MRS2: variants seen among roughly 807,000 people sequenced by gnomAD.
The protein encoded by MRS2 is magnesium transporter MRS2.
Under a neutral mutation model 52.6 loss-of-function variants are expected in MRS2, and 40 were observed. The observed-to-expected ratio is 0.76, with a 90% CI of 0.59 to 0.99. MRS2 has a LOEUF of 0.99. MRS2 is among the 50% of genes least tolerant of loss of function. MRS2 has a pLI of 0.00. For missense variants in MRS2, 472 were observed against 532.7 expected, an observed-to-expected ratio of 0.89 and a Z score of 1.12; for synonymous variants, 193 against 195.9, an observed-to-expected ratio of 0.98 and a Z score of 0.13.
In MRS2 at chr6:24,409,509, AT is replaced by A. The variant is rs746648730; in HGVS notation, c.353del (p.Leu118Ter). ...LYQELGLQAR[D>X]LRFQHVMSIT... is the part of the protein sequence containing the mutation. ...CAAGAGTTAGGTCTTCAAGCCAGAG[AT>A]TTGAGATTTCAGCATGTAATGAGTA... On this transcript the variant is annotated frameshift_variant, in exon 4 of 11. Transcript: ENST00000378386. LOFTEE classifies it high-confidence loss of function. The A allele has an allele frequency of 8.1e-6, 13 of 1,612,168 alleles. No individual in the cohort carries two copies. The highest frequency in any genetic ancestry group is 1.0e-5 in the Non-Finnish European group (12 of 1,178,886).
chr6:24,405,542 T>C (rs112501797), intron 2 of MRS2, among the ~76,000 whole-genome samples: 424 of 152,084 alleles, frequency 2.8e-3, no homozygotes, highest in African/African-American at 9.3e-3. Context: ...AGAAGCATTT[T>C]GAAGGCAGCA....
rs1407737489 is a variant in MRS2, at chr6:24,423,881, G to A, written c.*187G>A. The A allele has an allele frequency of 2.9e-6, 1 of 346,656 alleles. No homozygotes were observed. The highest frequency in any genetic ancestry group is 5.3e-6 in the Non-Finnish European group (1 of 190,412). 21.5% of individuals were successfully genotyped at this position (346,656 alleles called of 1,614,324 possible). On this transcript the variant is annotated 3_prime_UTR_variant, in exon 11 of 11. Transcript: ENST00000378386. Reference sequence around the variant, plus strand: ...CAGAATTCTGAGTTAAAGAAACAAAGTATTTGCTTTGTAAAAGGCCAAAAT... The same window carrying A: ...CAGAATTCTGAGTTAAAGAAACAAAATATTTGCTTTGTAAAAGGCCAAAAT...
intron 7 of MRS2, among the ~76,000 whole-genome samples, chr6:24,417,218 C>G (rs984750437): frequency 3.9e-5 from 6 of 152,196 alleles, no homozygotes; most frequent in Non-Finnish European, 5.9e-5. Context: ...GTTTGCTTTG[C>G]TTAGGCCAAT....
intron 5 of MRS2, 144 bp from the exon 6 acceptor site, chr6:24,414,889 G>T: frequency 1.6e-6 from 1 of 617,278 alleles, no homozygotes. Flanking sequence ...ATCTGGAATA[G>T]GCATTCTAGA....
intron 7 of MRS2, 79 bp from the exon 8 acceptor site, chr6:24,418,005 C>A (rs1030325081): frequency 2.9e-5 from 34 of 1,187,580 alleles, no homozygotes; most frequent in Non-Finnish European, 3.4e-5. Flanking sequence ...ATGCTATATA[C>A]TAATTTAGGA....
chr6:24,409,533 G>T lies in MRS2; in HGVS notation c.374G>T (p.Ser125Ile). ...GATTTGAGATTTCAGCATGTAATGA[G>T]TATCACAGTCAGAAACAATAGGATT... ...ARDLRFQHVM[S>I]ITVRNNRIIM... The change falls in exon 4 of 11, where the codon AGT becomes ATT. Residue 125 changes from serine (S) to isoleucine (I), a missense_variant. By Grantham distance (142) the Ser-to-Ile change is moderately radical. Coordinates refer to ENST00000378386, the MANE Select transcript of MRS2 (RefSeq NM_020662.4). 6.2e-7 allele frequency: 1 copy of T among 1,609,142 alleles called. No individual in the cohort carries two copies. Among genetic ancestry groups the T allele is most frequent in the Admixed American group, 1.7e-5 (1 of 59,646 alleles).
intron 5 of MRS2, among the ~76,000 whole-genome samples, chr6:24,414,784 ACT>A (rs1312041381): frequency 1.3e-5 from 2 of 152,082 alleles, no homozygotes; most frequent in East Asian, 1.9e-4. Context: ...GAGGAGAAAG[ACT>A]CTTACGAGAG....
In MRS2 at chr6:24,423,867, G is replaced by A. The variant is rs1762139720; in HGVS notation, c.*173G>A. The stretch of plus-strand genomic sequence containing the variant: ...CTGGATTGCATTTCCAGAATTCTGA[G>A]TTAAAGAAACAAAGTATTTGCTTTG... On this transcript the variant is annotated 3_prime_UTR_variant, in exon 11 of 11. Transcript: ENST00000378386. 8.0e-6 allele frequency: 3 copies of A among 376,636 alleles called. No individual in the cohort carries two copies. The highest frequency in any genetic ancestry group is 1.4e-5 in the Non-Finnish European group (3 of 207,924). The allele number at this position is 376,636 out of a possible 1,614,324, so 23.3% of individuals were successfully genotyped here.
rs1271369497 is a variant in MRS2 at position 24,423,791 on chromosome 6, A to G, written c.*97A>G. 5 of 493,360 alleles carry G rather than the reference A, an allele frequency of 1.0e-5. No individual in the cohort carries two copies. Among genetic ancestry groups the G allele is most frequent in the Non-Finnish European group, 1.8e-5 (5 of 281,530 alleles). 30.6% of individuals were successfully genotyped at this position (493,360 alleles called of 1,614,324 possible). On this transcript the variant is annotated 3_prime_UTR_variant, in exon 11 of 11. Transcript: ENST00000378386. ...TTCTTGTATAGAGTCAGACACTTGA[A>G]AAAAACTAATGTTTGAAGACAAAAA...
chr6:24,419,104 G>GCAGACGCCTGTAGTCC (rs1417246029), intron 9 of MRS2: 1 of 155,726 alleles, frequency 6.4e-6, no homozygotes, highest in South Asian at 1.9e-4. Context: ...GGGCGTGGTG[G>GCAGACGCCTGTAGTCC]CAGACGCCTG....
At chr6:24,423,194 C>CA (rs1049407074) in intron 10 of MRS2, 144 bp downstream of exon 10, 155 of 634,722 alleles carry the variant, frequency 2.4e-4, no homozygotes, top group African/African-American at 2.3e-3. Flanking sequence ...CCCTATCTGT[C>CA]AGTTAAGTCG....
chr6:24,406,121 A>AG (rs1554125174), intron 2 of MRS2, among the ~76,000 whole-genome samples: 8 of 148,562 alleles, frequency 5.4e-5, no homozygotes, highest in African/African-American at 2.0e-4. Flanking sequence ...AAAAAAAAAA[A>AG]GGTGTGCCTA....
At chr6:24,410,718 T>A in intron 4 of MRS2, 2 of 1,522,840 alleles carry the variant, frequency 1.3e-6, no homozygotes, top group Non-Finnish European at 1.8e-6. Context: ...CCCATGTGAT[T>A]TTCTTCAGAA....
chr6:24,413,284 C>T (rs995917378), intron 5 of MRS2, among the ~76,000 whole-genome samples: 11 of 152,006 alleles, frequency 7.2e-5, no homozygotes, highest in African/African-American at 2.7e-4. Flanking sequence ...TGGCATGGGT[C>T]TCCGGCCTAG....
chr6:24,425,585 A>T lies in MRS2; in HGVS notation c.*1891A>T, dbSNP rs1018552336. The T allele has an allele frequency of 6.6e-6, 1 of 152,238 alleles. No homozygotes were observed. Among genetic ancestry groups the T allele is most frequent in the Non-Finnish European group, 1.5e-5 (1 of 68,038 alleles). The allele number at this position is 152,238 out of a possible 1,614,324, so 9.4% of individuals were successfully genotyped here. ...AAATAATAAATCAGCTTATGCCAAA[A>T]ATATATGAAGTTCCTTGGTTTTAAA... On this transcript the variant is annotated 3_prime_UTR_variant, in exon 11 of 11. Coordinates refer to ENST00000378386, the MANE Select transcript of MRS2 (RefSeq NM_020662.4).
At chr6:24,411,127 T>C (rs1436032820) in intron 4 of MRS2, among the ~76,000 whole-genome samples, 2 of 151,478 alleles carry the variant, frequency 1.3e-5, no homozygotes, top group African/African-American at 2.4e-5. Context: ...AAGGTGGAGG[T>C]TGCAGTGAGC....
chr6:24,416,591 A>T, intron 7 of MRS2, 78 bp downstream of exon 7: 2 of 798,252 alleles, frequency 2.5e-6, no homozygotes, highest in Admixed American at 2.3e-5. Context: ...GTGATTTTTC[A>T]TACAGAATGT....
chr6:24,412,745 CA>C (rs1761710326), intron 5 of MRS2, among the ~76,000 whole-genome samples: 1 of 152,168 alleles, frequency 6.6e-6, no homozygotes. Flanking sequence ...GAATCACGCA[CA>C]GTTCTTCCAG....
intron 4 of MRS2, among the ~76,000 whole-genome samples, chr6:24,411,690 C>CA (rs1761655828): frequency 6.6e-6 from 1 of 152,118 alleles, no homozygotes; most frequent in Non-Finnish European, 1.5e-5. Context: ...AGGTGTGGGC[C>CA]ACCACGCCTA....
Sources: allele counts gnomAD v4.1 joint callset (sites outside exome capture counted in the v4.1 genomes callset), GRCh38; gene constraint gnomAD v4.1.1; transcripts MANE v1.5; gene names NCBI Gene and HGNC (gene_info 2026-07-23, HGNC 2026-07-21).